ARIH2: variants seen among roughly 807,000 people sequenced by gnomAD.
ARIH2 encodes the protein ariadne RBR E3 ubiquitin protein ligase 2.
ARIH2 carries 12 observed loss-of-function variants against 79.8 expected under a neutral mutation model. That is an observed-to-expected ratio of 0.15 (90% CI 0.10 to 0.24). ARIH2 has a LOEUF of 0.24. ARIH2 is among the 10% of genes least tolerant of loss of function. ARIH2 has a pLI of 1.00. For synonymous variants in ARIH2, 224 were observed against 213.9 expected (o/e 1.05, Z -0.41); for missense variants, 301 against 618.3 (o/e 0.49, Z 5.44).
Position 48,961,674 on chromosome 3 carries a change from G to A in ARIH2, c.318G>A (p.Leu106=). The A allele has an allele frequency of 6.2e-7, 1 of 1,603,684 alleles. No homozygotes were observed. Among genetic ancestry groups the A allele is most frequent in the Non-Finnish European group, 8.5e-7 (1 of 1,170,714 alleles). ...VNFHWQVSEI[L]DRYKSNSAQL... ...TCCACTGGCAAGTTTCAGAGATATT[G>A]GACAGGTAAGGTATTTGGGGGAGGA... The change falls in exon 4 of 16, where the codon TTG becomes TTA. Residue 106 remains leucine, a synonymous_variant. Coordinates refer to ENST00000356401, the MANE Select transcript of ARIH2 (RefSeq NM_006321.4).
At chr3:48,944,298 T>C (rs1460856383) in intron 3 of ARIH2, among the ~76,000 whole-genome samples, 1 of 152,122 alleles carries the variant, frequency 6.6e-6, no homozygotes, top group Non-Finnish European at 1.5e-5. Flanking sequence ...TAAAAAAAAA[T>C]ACCCTTATGG....
rs1452858699 is a variant in ARIH2, at chr3:48,919,557, TTC to T, written c.-162+561_-162+562del. The stretch of plus-strand genomic sequence containing the variant: ...GTTCATTGCCTGGTCCCATAGAACT[TTC>T]TGTCATAGCGACATGTTCTTTACCT... On this transcript the variant is annotated intron_variant, in intron 1 of 15. Coordinates refer to ENST00000356401, the MANE Select transcript of ARIH2 (RefSeq NM_006321.4). 7.9e-5 allele frequency among the ~76,000 whole-genome samples: 12 copies of T among 152,360 alleles called. 2 individuals carry two copies. Among genetic ancestry groups the T allele is most frequent in the African/African-American group, 2.6e-4 (11 of 41,594 alleles).
intron 8 of ARIH2, 151 bp downstream of exon 8, chr3:48,970,855 C>T (rs774231837): frequency 2.4e-5 from 14 of 584,088 alleles, no homozygotes; most frequent in African/African-American, 7.5e-5. Flanking sequence ...GGTTTATGTC[C>T]AGCATCTCAT....
intron 3 of ARIH2, among the ~76,000 whole-genome samples, chr3:48,938,936 A>C (rs2087598302): frequency 6.6e-6 from 1 of 150,778 alleles, no homozygotes; most frequent in Admixed American, 6.6e-5. Context: ...AAAAAAAAAA[A>C]AAACCAACTA....
chr3:48,957,627 T>G (rs540056755), intron 3 of ARIH2, among the ~76,000 whole-genome samples: 84 of 152,308 alleles, frequency 5.5e-4, no homozygotes, highest in Non-Finnish European at 1.0e-3. Context: ...TAAGGCTGAT[T>G]GGGCCCCACT....
At chr3:48,949,541 A>C (rs140082430) in intron 3 of ARIH2, among the ~76,000 whole-genome samples, 31 of 152,314 alleles carry the variant, frequency 2.0e-4, no homozygotes, top group African/African-American at 5.8e-4. Flanking sequence ...CTGGATTATA[A>C]TCATTCTAGT....
At chr3:48,960,614 AT>A (rs2091145320) in intron 3 of ARIH2, among the ~76,000 whole-genome samples, 1 of 152,014 alleles carries the variant, frequency 6.6e-6, no homozygotes, top group South Asian at 2.1e-4. Context: ...AAATACAAAA[AT>A]TAGCTGGGCA....
intron 11 of ARIH2, among the ~76,000 whole-genome samples, chr3:48,979,232 G>A (rs566491192): frequency 2.0e-4 from 30 of 152,306 alleles, no homozygotes; most frequent in African/African-American, 6.0e-4. Flanking sequence ...TTAATAAGGC[G>A]CATGGCACAT....
At chr3:48,919,143 C>G in intron 1 of ARIH2, 145 bp downstream of exon 1, 2 of 1,303,440 alleles carry the variant, frequency 1.5e-6, no homozygotes, top group Non-Finnish European at 1.9e-6. Context: ...GCACGTTGTC[C>G]GAGCATTACC....
chr3:48,932,874 T>G (rs116428740), intron 3 of ARIH2, among the ~76,000 whole-genome samples: 36 of 152,100 alleles, frequency 2.4e-4, no homozygotes, highest in African/African-American at 7.7e-4. Context: ...CAGAGGACCT[T>G]GAAGGTGGTG....
chr3:48,937,901 G>A (rs1429642030), intron 3 of ARIH2, among the ~76,000 whole-genome samples: 2 of 152,016 alleles, frequency 1.3e-5, no homozygotes, highest in Non-Finnish European at 2.9e-5. Flanking sequence ...CAAAAAATTA[G>A]CCGGTCGTAG....
chr3:48,930,698 C>T (rs1296168400), intron 3 of ARIH2, among the ~76,000 whole-genome samples: 1 of 152,150 alleles, frequency 6.6e-6, no homozygotes, highest in Non-Finnish European at 1.5e-5. Flanking sequence ...GGTGTTCCGG[C>T]TACTCTGGTT....
intron 11 of ARIH2, chr3:48,975,195 A>G (rs1401456211): frequency 1.9e-5 from 13 of 683,936 alleles, no homozygotes; most frequent in Non-Finnish European, 3.1e-5. Flanking sequence ...TAACACATAT[A>G]GTCAGAAGTC....
At chr3:48,940,693 G>A (rs1208932922) in intron 3 of ARIH2, among the ~76,000 whole-genome samples, 1 of 151,474 alleles carries the variant, frequency 6.6e-6, no homozygotes, top group Non-Finnish European at 1.5e-5. Flanking sequence ...TACTCGGGAG[G>A]CTGAGGCAGG....
chr3:48,919,446 A>T, intron 1 of ARIH2: 1 of 276,422 alleles, frequency 3.6e-6, no homozygotes, highest in East Asian at 6.1e-5. Flanking sequence ...CGGCGCCCCT[A>T]GGGATGTGCG....
At position 48,927,652 on chromosome 3, in the gene ARIH2, C is replaced by G. The variant is rs150747484; in HGVS notation, c.94C>G (p.Pro32Ala). ...EEEEEEEEDD[P>A]GDIEDYYVGV... is the part of the protein sequence containing the mutation. ...AGAGGAAGAAGAAGAAGAAGACGAC[C>G]CTGGGGACATAGAGGACTATTACGT... The change falls in exon 3 of 16, where the codon CCT (proline) becomes GCT (alanine). Residue 32 changes from proline (P) to alanine (A), a missense_variant. Physicochemically the swap from Pro to Ala is conservative, Grantham distance 27 (BLOSUM62 -1). Transcript: ENST00000356401. 1.3e-5 allele frequency: 21 copies of G among 1,613,808 alleles called. No homozygotes were observed. In the African/African-American group the frequency reaches 2.5e-4, roughly 19 times the overall value.
intron 8 of ARIH2, among the ~76,000 whole-genome samples, chr3:48,972,962 A>C (rs183642949): frequency 1.3e-5 from 2 of 152,138 alleles, no homozygotes; most frequent in African/African-American, 4.8e-5. Flanking sequence ...CAGTCCTCCC[A>C]TCTCAACCTT....
chr3:48,944,629 G>A (rs1576292652), intron 3 of ARIH2, among the ~76,000 whole-genome samples: 1 of 152,140 alleles, frequency 6.6e-6, no homozygotes, highest in East Asian at 1.9e-4. Context: ...TAGGTGTGAA[G>A]TATGGGAGAA....
chr3:48,981,146 A>G (rs1175121636), intron 13 of ARIH2, among the ~76,000 whole-genome samples: 1 of 151,934 alleles, frequency 6.6e-6, no homozygotes, highest in Non-Finnish European at 1.5e-5. Flanking sequence ...CCTGGGCAAC[A>G]TGAGAAAACC....
Sources: allele counts gnomAD v4.1 joint callset (sites outside exome capture counted in the v4.1 genomes callset), GRCh38; gene constraint gnomAD v4.1.1; transcripts MANE v1.5; gene names NCBI Gene and HGNC (gene_info 2026-07-23, HGNC 2026-07-21).